Variants in AP1AR observed in about 807,000 individuals in gnomAD.
The protein encoded by AP1AR is adaptor related protein complex 1 associated regulatory protein, also known as AP-1 complex-associated regulatory protein.
A neutral mutation model predicts 46.3 loss-of-function variants in AP1AR; 29 were observed. The ratio of observed to expected loss-of-function variants is 0.63; its 90% CI spans 0.47 to 0.85. The LOEUF is 0.85. Among genes scored for constraint, AP1AR ranks in the 40% least tolerant of loss-of-function variants. The pLI, the probability that AP1AR is intolerant of heterozygous loss-of-function variation, is 0.00. For missense variants in AP1AR, 357 were observed against 356.3 expected, an observed-to-expected ratio of 1.00 and a Z score of -0.02; for synonymous variants, 122 against 122.9, an observed-to-expected ratio of 0.99 and a Z score of 0.05.
At chr4:112,246,214 T>C (rs906009586) in intron 1 of AP1AR, among the ~76,000 whole-genome samples, 4 of 152,152 alleles carry the variant, frequency 2.6e-5, no homozygotes, top group Admixed American at 6.6e-5. Context: ...CCCATTAATA[T>C]ATAATTTTAG....
At chr4:112,265,846 C>T in intron 8 of AP1AR, 39 bp downstream of exon 8, 2 of 1,305,262 alleles carry the variant, frequency 1.5e-6, no homozygotes, top group Non-Finnish European at 2.2e-6. Flanking sequence ...TTTTATGCCA[C>T]AGTAAACAGA....
intron 8 of AP1AR, 111 bp downstream of exon 8, chr4:112,265,918 C>A: frequency 3.1e-6 from 2 of 649,956 alleles, no homozygotes; most frequent in South Asian, 2.2e-5. Context: ...TTGTAATTCC[C>A]AGATAGGTCA....
intron 1 of AP1AR, among the ~76,000 whole-genome samples, chr4:112,245,461 C>T (rs1725688966): frequency 1.3e-5 from 2 of 152,098 alleles, no homozygotes; most frequent in African/African-American, 4.8e-5. Flanking sequence ...TTGAAAAGAG[C>T]TTACTTTTTG....
Position 112,231,974 on chromosome 4 carries a change from C to A in AP1AR, c.-118C>A. ...CCTCACGCCGCCGGGCTCTGGCCGG[C>A]CCGCCCTCGGTCCTTGAACCCCATT... On this transcript the variant is annotated 5_prime_UTR_variant, in exon 1 of 10. Transcript: ENST00000274000. The A allele has an allele frequency of 1.0e-6, 1 of 970,434 alleles. No individual in the cohort carries two copies. Among genetic ancestry groups the A allele is most frequent in the Non-Finnish European group, 1.4e-6 (1 of 733,420 alleles). The allele number at this position is 970,434 out of a possible 1,614,324, so 60.1% of individuals were successfully genotyped here.
chr4:112,255,712 A>G lies in AP1AR; in HGVS notation c.159+939A>G, dbSNP rs1171456903. 2.0e-5 allele frequency among the ~76,000 whole-genome samples: 3 copies of G among 152,226 alleles called. No individual in the cohort carries two copies. The South Asian group carries it at 6.2e-4, about 32-fold the overall frequency. On this transcript the variant is annotated intron_variant, in intron 3 of 9. Transcript: ENST00000274000. ...ACATTTCATCTCATACAACTCAGCA[A>G]GTTTTAAGATGCTTCTCAAATACAG...
chr4:112,247,936 A>G (rs17044338), intron 1 of AP1AR, among the ~76,000 whole-genome samples: 6 of 152,212 alleles, frequency 3.9e-5, no homozygotes, highest in African/African-American at 1.4e-4. Flanking sequence ...GCTGACATAA[A>G]TATCCTAACT....
At chr4:112,249,797 T>C (rs776621718) in intron 1 of AP1AR, among the ~76,000 whole-genome samples, 3 of 152,188 alleles carry the variant, frequency 2.0e-5, no homozygotes, top group Non-Finnish European at 4.4e-5. Context: ...CAATAGATGT[T>C]GGCGAGGATG....
rs1253993884 is a variant in AP1AR at position 112,271,359 on chromosome 4, C to T, written c.*2950C>T. On this transcript the variant is annotated 3_prime_UTR_variant, in exon 10 of 10. Transcript: ENST00000274000. ...CTCACTCTCATTCAGGTGCAGATAC[C>T]GACTATAAAAATGTTTAGCTATAGT... Among the ~76,000 whole-genome samples the T allele has an allele frequency of 6.6e-6, 1 of 152,210 alleles. No homozygotes were observed. The highest frequency in any genetic ancestry group is 1.9e-4 in the East Asian group (1 of 5,206).
intron 1 of AP1AR, among the ~76,000 whole-genome samples, chr4:112,249,100 C>G (rs931648508): frequency 6.6e-6 from 1 of 151,990 alleles, no homozygotes; most frequent in African/African-American, 2.4e-5. Context: ...CGAGACCAGC[C>G]TGACCAACAT....
At chr4:112,234,987 TA>T (rs1173489521) in intron 1 of AP1AR, among the ~76,000 whole-genome samples, 1 of 152,202 alleles carries the variant, frequency 6.6e-6, no homozygotes, top group East Asian at 1.9e-4. Flanking sequence ...GTTTATAAAA[TA>T]CTAGGGAATT....
chr4:112,257,896 T>A, intron 4 of AP1AR, 99 bp downstream of exon 4: 2 of 1,029,454 alleles, frequency 1.9e-6, no homozygotes, highest in Non-Finnish European at 2.7e-6. Flanking sequence ...TTTGAGACAT[T>A]AAACAGTTTA....
At chr4:112,262,111 A>G (rs1726474176) in intron 5 of AP1AR, among the ~76,000 whole-genome samples, 1 of 151,836 alleles carries the variant, frequency 6.6e-6, no homozygotes, top group Middle Eastern at 3.2e-3. Flanking sequence ...TCCAGGAGTT[A>G]AGAACCAGCC....
intron 1 of AP1AR, among the ~76,000 whole-genome samples, chr4:112,241,209 C>T (rs979420737): frequency 6.6e-6 from 1 of 152,096 alleles, no homozygotes; most frequent in Admixed American, 6.5e-5. Context: ...TAGGAAGAAG[C>T]TTATTAAACA....
Position 112,231,836 on chromosome 4 carries a change from G to A in AP1AR, c.-256G>A, listed in dbSNP as rs908028419. ...GCGAGAAGGGCCATGCGGACGGCGA[G>A]GGAGTCCAGAGCCTTGAGCCCGGTG... On this transcript the variant is annotated 5_prime_UTR_variant, in exon 1 of 10. Coordinates refer to ENST00000274000, the MANE Select transcript of AP1AR (RefSeq NM_018569.6). 13 of 372,258 alleles carry A rather than the reference G, an allele frequency of 3.5e-5. No individual in the cohort carries two copies. Among genetic ancestry groups the A allele is most frequent in the Non-Finnish European group, 5.7e-5 (12 of 209,432 alleles). The allele number at this position is 372,258 out of a possible 1,614,324, so 23.1% of individuals were successfully genotyped here. A position where few individuals can be genotyped will look rare whatever the true frequency, so the allele number is the denominator to read the frequency against.
intron 1 of AP1AR, among the ~76,000 whole-genome samples, chr4:112,249,980 T>G (rs575517554): frequency 6.6e-6 from 1 of 152,352 alleles, no homozygotes; most frequent in African/African-American, 2.4e-5. Flanking sequence ...GGCAGGACCT[T>G]TATCTGTTTG....
chr4:112,260,804 G>A lies in AP1AR; in HGVS notation c.224G>A (p.Arg75Lys), dbSNP rs2110488364. The stretch of plus-strand genomic sequence containing the variant: ...GAAGAAATTGTTGACCTAAGAGAAA[G>A]GCATTATGATTCCATTGCCGAAAAA... ...TEEEIVDLRE[R>K]HYDSIAEKQK... The change falls in exon 5 of 10, where the codon AGG becomes AAG. Residue 75 changes from arginine to lysine, a missense_variant. Coordinates refer to ENST00000274000, the MANE Select transcript of AP1AR (RefSeq NM_018569.6). The A allele has an allele frequency of 1.2e-6, 2 of 1,605,604 alleles. No individual in the cohort carries two copies. Among genetic ancestry groups the A allele is most frequent in the East Asian group, 2.2e-5 (1 of 44,658 alleles).
intron 1 of AP1AR, among the ~76,000 whole-genome samples, chr4:112,252,864 T>C (rs1009058680): frequency 6.6e-6 from 1 of 152,196 alleles, no homozygotes; most frequent in Admixed American, 6.5e-5. Context: ...AACACATCAG[T>C]ATTTTTTAAC....
In AP1AR at chr4:112,266,648, C is replaced by A. The variant is rs775221472; in HGVS notation, c.575C>A (p.Thr192Asn). 6.2e-7 allele frequency: 1 copy of A among 1,610,298 alleles called. No homozygotes were observed. Among genetic ancestry groups the A allele is most frequent in the Non-Finnish European group, 8.5e-7 (1 of 1,177,450 alleles). ...ACAGAAAGCAGTTGTGATTTAATGA[C>A]CAAAACTAAATCAACTAGTGGAAAT... ...PNTESSCDLMTKTKSTSGNDD... is the reference protein window; with the variant it reads ...PNTESSCDLMNKTKSTSGNDD... The change falls in exon 9 of 10, where the codon ACC becomes AAC. Residue 192 changes from threonine to asparagine, a missense_variant. By Grantham distance (65) the Thr-to-Asn change is moderately conservative. Around this residue, in one of 2 missense-constraint regions of AP1AR, gnomAD observed 269 missense variants for 223.6 expected, o/e 1.20. Coordinates refer to ENST00000274000, the MANE Select transcript of AP1AR (RefSeq NM_018569.6).
Position 112,262,971 on chromosome 4 carries a change from G to A in AP1AR, c.283-17G>A, listed in dbSNP as rs771840468. 2.3e-5 allele frequency: 37 copies of A among 1,588,058 alleles called. No individual in the cohort carries two copies. The highest frequency in any genetic ancestry group is 3.0e-5 in the Non-Finnish European group (35 of 1,157,062). ...GTTCTGATTTTTGTTAATCCTTATCGTTTTGTTCATGTACAGTTAGCCTTA... is the reference window on the plus strand; with the variant it reads ...GTTCTGATTTTTGTTAATCCTTATCATTTTGTTCATGTACAGTTAGCCTTA... On this transcript the variant is annotated splice_polypyrimidine_tract_variant and intron_variant, in intron 5 of 9. Transcript: ENST00000274000.
Sources: gnomAD v4.1 joint callset for allele counts (sites outside exome capture counted in the v4.1 genomes callset) on GRCh38, gnomAD v4.1.1 for gene constraint, gnomAD v4.1.1 regional missense constraint, MANE v1.5 for transcripts, NCBI Gene and HGNC (gene_info 2026-07-23, HGNC 2026-07-21) for gene names.